Variants in RBMS2 observed in about 807,000 individuals in gnomAD.
The protein encoded by RBMS2 is RNA-binding motif, single-stranded-interacting protein 2.
In RBMS2, 38 loss-of-function variants were observed where a neutral mutation model predicts 58.4. That is an observed-to-expected ratio of 0.65 (90% confidence interval 0.50 to 0.85). The LOEUF is 0.85. RBMS2 is among the 40% of genes least tolerant of loss of function. The pLI, the probability that RBMS2 is intolerant of heterozygous loss-of-function variation, is 0.00. For synonymous variants in RBMS2, 151 were observed against 180.7 expected (o/e 0.84, Z 1.32); for missense variants, 367 against 503.7 (o/e 0.73, Z 2.60).
chr12:56,526,726 A>T (rs1017569590), intron 1 of RBMS2, among the ~76,000 whole-genome samples: 23 of 150,512 alleles, frequency 1.5e-4, no homozygotes, highest in Non-Finnish European at 2.8e-4. Context: ...CTGTTTCTTC[A>T]ATGTTTGAAG....
intron 5 of RBMS2, among the ~76,000 whole-genome samples, chr12:56,573,500 AAAG>A (rs1250675731): frequency 2.3e-4 from 34 of 144,910 alleles, no homozygotes; most frequent in East Asian, 7.8e-4. Flanking sequence ...AAAAAAAAAA[AAAG>A]AAGAAGAAGA....
At chr12:56,540,587 C>T (rs1460328502) in intron 1 of RBMS2, among the ~76,000 whole-genome samples, 1 of 152,062 alleles carries the variant, frequency 6.6e-6, no homozygotes, top group African/African-American at 2.4e-5. Flanking sequence ...ACTATGTTGC[C>T]CAGACTGATC....
intron 1 of RBMS2, among the ~76,000 whole-genome samples, chr12:56,541,100 CAA>C (rs376084138): frequency 6.4e-5 from 8 of 125,096 alleles, no homozygotes; most frequent in East Asian, 2.4e-4. Context: ...GACCTTGACT[CAA>C]AAAAAAAAAA....
rs967567957 is a variant in RBMS2 at position 56,569,135 on chromosome 12, G to A, written c.292+102G>A. On this transcript the variant is annotated intron_variant, in intron 3 of 13. Coordinates refer to ENST00000262031, the MANE Select transcript of RBMS2 (RefSeq NM_002898.4). ...AGAGTCCTGAGTCTACAGTGTCAGC[G>A]AGAAGTCCCTGAAGTTTTTAGGCTT... 34 of 1,057,608 alleles carry A rather than the reference G, an allele frequency of 3.2e-5. No homozygotes were observed. In the Admixed American group the frequency reaches 3.4e-4, roughly 11 times the overall value. 65.5% of individuals were successfully genotyped at this position (1,057,608 alleles called of 1,614,324 possible).
At position 56,529,678 on chromosome 12, in the gene RBMS2, C is replaced by T. The variant is rs80225910; in HGVS notation, c.66+7589C>T. Among the ~76,000 whole-genome samples the T allele has an allele frequency of 3.6e-3, 548 of 152,030 alleles. 5 individuals are homozygous for T. The highest frequency in any genetic ancestry group is 0.013 in the African/African-American group (537 of 41,464). On this transcript the variant is annotated intron_variant, in intron 1 of 13. Coordinates refer to ENST00000262031, the MANE Select transcript of RBMS2 (RefSeq NM_002898.4). ...ATGTGGATGAACCTTAAAAACATGA[C>T]GCTCATGAAAGAAGCCAGTCATAAG...
At chr12:56,584,446 A>G (rs947156423) in intron 9 of RBMS2, among the ~76,000 whole-genome samples, 8 of 151,900 alleles carry the variant, frequency 5.3e-5, no homozygotes, top group African/African-American at 1.9e-4. Flanking sequence ...AAAAAAAAAA[A>G]AAGTTTAAAA....
At chr12:56,559,565 G>C (rs1879969116) in intron 1 of RBMS2, among the ~76,000 whole-genome samples, 2 of 150,382 alleles carry the variant, frequency 1.3e-5, no homozygotes, top group African/African-American at 4.9e-5. Flanking sequence ...AAGAATTTAG[G>C]TCACGGCCGG....
intron 1 of RBMS2, among the ~76,000 whole-genome samples, chr12:56,523,655 G>T (rs1872147904): frequency 6.6e-6 from 1 of 152,096 alleles, no homozygotes; most frequent in Non-Finnish European, 1.5e-5. Flanking sequence ...AGCTACTCAG[G>T]AGGCTGAAGC....
chr12:56,535,066 T>G (rs1874516365), intron 1 of RBMS2, among the ~76,000 whole-genome samples: 2 of 152,314 alleles, frequency 1.3e-5, no homozygotes, highest in South Asian at 4.1e-4. Context: ...CCTGGTTTTC[T>G]TCTTATTTCT....
intron 12 of RBMS2, 126 bp downstream of exon 12, chr12:56,588,500 G>A (rs1462090686): frequency 2.2e-6 from 2 of 902,076 alleles, no homozygotes; most frequent in African/African-American, 1.6e-5. Flanking sequence ...GTAGGTATAC[G>A]AAGAACGTAG....
rs951297174 is a variant in RBMS2, at chr12:56,591,005, C to G, written c.*1872C>G. ...CTATGTCTTGGTCTTTAACTGTCCCCTTCTGCAAGATGTGACTCTATACAC... is the reference window on the plus strand; with the variant it reads ...CTATGTCTTGGTCTTTAACTGTCCCGTTCTGCAAGATGTGACTCTATACAC... On this transcript the variant is annotated 3_prime_UTR_variant, in exon 14 of 14. Coordinates refer to ENST00000262031, the MANE Select transcript of RBMS2 (RefSeq NM_002898.4). The G allele has an allele frequency of 6.6e-6, 1 of 152,196 alleles. No homozygotes were observed. The highest frequency in any genetic ancestry group is 1.5e-5 in the Non-Finnish European group (1 of 68,050). The allele number at this position is 152,196 out of a possible 1,614,324, so 9.4% of individuals were successfully genotyped here.
At chr12:56,561,537 C>T (rs147065559) in intron 1 of RBMS2, among the ~76,000 whole-genome samples, 148 of 152,150 alleles carry the variant, frequency 9.7e-4, no homozygotes, top group African/African-American at 3.3e-3. Flanking sequence ...GATGGAGTCT[C>T]GCCCTATCAC....
chr12:56,542,742 G>T (rs920976111), intron 1 of RBMS2, among the ~76,000 whole-genome samples: 20 of 151,172 alleles, frequency 1.3e-4, no homozygotes, highest in African/African-American at 4.1e-4. Context: ...TAGAGGCAGG[G>T]TCTCCCTGTG....
At chr12:56,585,752 G>C (rs1392508009) in intron 9 of RBMS2, among the ~76,000 whole-genome samples, 4 of 152,176 alleles carry the variant, frequency 2.6e-5, no homozygotes, top group African/African-American at 9.7e-5. Context: ...ATATACCTAG[G>C]AGTGGAATTG....
In RBMS2 at chr12:56,588,336, C is replaced by T; in HGVS notation, c.1105C>T (p.Gln369Ter). The T allele has an allele frequency of 6.2e-7, 1 of 1,613,874 alleles. No homozygotes were observed. The highest frequency in any genetic ancestry group is 8.5e-7 in the Non-Finnish European group (1 of 1,179,856). Residue 369 changes from glutamine (Q) to a stop codon, truncating the protein, a stop_gained, in exon 12 of 14, where the codon CAG (glutamine) becomes TAG (stop). Coordinates refer to ENST00000262031, the MANE Select transcript of RBMS2 (RefSeq NM_002898.4). LOFTEE classifies it high-confidence loss of function. Reference sequence around the variant, plus strand: ...AGCTATGCAAGGAGCTTACATCTCCCAGTACACCCCTGTGCCTTCTTCCAG... The same window carrying T: ...AGCTATGCAAGGAGCTTACATCTCCTAGTACACCCCTGTGCCTTCTTCCAG... ...AAAMQGAYIS[Q>*]YTPVPSSSVS... is the part of the protein sequence containing the mutation.
intron 1 of RBMS2, among the ~76,000 whole-genome samples, chr12:56,538,089 A>G (rs1875273793): frequency 6.6e-6 from 1 of 151,514 alleles, no homozygotes; most frequent in African/African-American, 2.4e-5. Context: ...CTGGAGTGCA[A>G]TGGCATGATC....
In RBMS2 at chr12:56,566,749, C is replaced by T. The variant is rs113001487; in HGVS notation, c.234-2226C>T. Among the ~76,000 whole-genome samples, 486 of 152,024 alleles carry T rather than the reference C, an allele frequency of 3.2e-3. 1 individual carries two copies. Among genetic ancestry groups the T allele is most frequent in the African/African-American group, 0.011 (458 of 41,456 alleles). ...AGGAGAATCGCTTGAACCCGGGAGG[C>T]GGAGGTTGCAGCGAGCCGAGATCAC... is the stretch of plus-strand genomic sequence containing the variant. On this transcript the variant is annotated intron_variant, in intron 2 of 13. Coordinates refer to ENST00000262031, the MANE Select transcript of RBMS2 (RefSeq NM_002898.4).
At chr12:56,577,968 G>A (rs920553224) in intron 5 of RBMS2, among the ~76,000 whole-genome samples, 2 of 151,802 alleles carry the variant, frequency 1.3e-5, no homozygotes, top group East Asian at 3.9e-4. Context: ...GATTACAGGC[G>A]TGAGCCACTG....
At chr12:56,549,825 C>T (rs1461067530) in intron 1 of RBMS2, among the ~76,000 whole-genome samples, 3 of 151,642 alleles carry the variant, frequency 2.0e-5, no homozygotes, top group South Asian at 2.1e-4. Flanking sequence ...GTCAGGAGTT[C>T]GAGACCATCC....
Sources: allele counts gnomAD v4.1 joint callset (sites outside exome capture counted in the v4.1 genomes callset), GRCh38; gene constraint gnomAD v4.1.1; transcripts MANE v1.5; gene names NCBI Gene and HGNC (gene_info 2026-07-23, HGNC 2026-07-21).